The following SERPINB2 variants were observed in gnomAD, a reference collection of about 807,000 sequenced individuals.
SERPINB2 encodes the protein serpin family B member 2, also known as plasminogen activator inhibitor 2.
A neutral mutation model predicts 39.4 loss-of-function variants in SERPINB2; 28 were observed. The observed-to-expected ratio is 0.71, with a 90% CI of 0.53 to 0.97. The LOEUF (loss-of-function observed/expected upper bound fraction) is 0.97, where lower values mean the gene tolerates loss of function less well. Ranked by LOEUF, SERPINB2 falls within the 50% of genes least tolerant of loss-of-function variation. SERPINB2 has a pLI of 0.00. For synonymous variants in SERPINB2, 209 were observed against 175.1 expected, an observed-to-expected ratio of 1.19 and a Z score of -1.53; for missense variants, 557 against 505.3, an observed-to-expected ratio of 1.10 and a Z score of -0.98.
intron 6 of SERPINB2, 46 bp from the exon 7 acceptor site, chr18:63,902,358 G>T: frequency 6.8e-7 from 1 of 1,469,294 alleles, no homozygotes; most frequent in Non-Finnish European, 9.1e-7. Flanking sequence ...TAAATCTCTT[G>T]ATATCTTATA....
At position 63,891,581 on chromosome 18, in the gene SERPINB2, C is replaced by T. The variant is rs770887719; in HGVS notation, c.137C>T (p.Ser46Phe). 5.0e-6 allele frequency: 8 copies of T among 1,613,880 alleles called. No individual in the cohort carries two copies. The highest frequency in any genetic ancestry group is 6.8e-6 in the Non-Finnish European group (8 of 1,179,936). ...ACCATGGCCATGGTCTACATGGGCT[C>T]CAGGGGCAGCACCGAAGACCAGATG... ...SSTMAMVYMG[S>F]RGSTEDQMAK... is the part of the protein sequence containing the mutation. The change falls in exon 2 of 8, where the codon TCC (serine) becomes TTC (phenylalanine). Residue 46 changes from serine (S) to phenylalanine (F), a missense_variant. Physicochemically the swap from Ser to Phe is radical, Grantham distance 155 (BLOSUM62 -2). Coordinates refer to ENST00000299502, the MANE Select transcript of SERPINB2 (RefSeq NM_002575.3).
At chr18:63,892,786 C>T (rs1041907470) in intron 2 of SERPINB2, 1 of 152,178 alleles carries the variant, frequency 6.6e-6, no homozygotes, top group Non-Finnish European at 1.5e-5. Flanking sequence ...TTGAGACTTA[C>T]AACAAAACTC....
intron 2 of SERPINB2, 75 bp from the exon 3 acceptor site, chr18:63,895,189 C>G: frequency 2.5e-6 from 4 of 1,577,296 alleles, no homozygotes; most frequent in Non-Finnish European, 3.5e-6. Context: ...TTTAGAGCCA[C>G]CTGATAGCCA....
chr18:63,895,383 G>A lies in SERPINB2; in HGVS notation c.288G>A (p.Gln96=). The change falls in exon 3 of 8, where the codon CAG becomes CAA. Residue 96 remains glutamine (Q), a splice_region_variant and synonymous_variant. Coordinates refer to ENST00000299502, the MANE Select transcript of SERPINB2 (RefSeq NM_002575.3). ...QKGSYPDAIL[Q]AQAADKIHSS... is the part of the protein sequence containing the mutation. ...GTAGTTATCCTGATGCGATTTTGCA[G>A]GTATCTGACTTACTGGTCCAAATTT... 1.2e-6 allele frequency: 2 copies of A among 1,613,840 alleles called. No individual in the cohort carries two copies. Among genetic ancestry groups the A allele is most frequent in the Non-Finnish European group, 1.7e-6 (2 of 1,179,900 alleles).
At chr18:63,901,622 T>G (rs2049991483) in intron 5 of SERPINB2, 118 bp from the exon 6 acceptor site, 1 of 687,892 alleles carries the variant, frequency 1.5e-6, no homozygotes, top group Non-Finnish European at 2.2e-6. Context: ...AAACTTTAGC[T>G]TGAAGATTAA....
rs1261016344 is a variant in SERPINB2 at position 63,897,777 on chromosome 18, A to G, written c.468A>G (p.Val156=). The part of the protein sequence containing the change: ...QKYYSSEPQA[V]DFLECAEEAR... ...ATTACTCCTCAGAACCCCAGGCAGTAGACTTCCTAGAATGTGCAGAAGAAG... is the reference window on the plus strand; with the variant it reads ...ATTACTCCTCAGAACCCCAGGCAGTGGACTTCCTAGAATGTGCAGAAGAAG... Residue 156 remains valine, a synonymous_variant, in exon 5 of 8, where the codon GTA becomes GTG. Coordinates refer to ENST00000299502, the MANE Select transcript of SERPINB2 (RefSeq NM_002575.3). 5.6e-6 allele frequency: 9 copies of G among 1,613,664 alleles called. No individual in the cohort carries two copies. The South Asian group carries it at 9.9e-5, about 18-fold the overall frequency.
rs368125480 is a variant in SERPINB2, at chr18:63,895,486, C to A, written c.288+103C>A. 75 of 1,390,950 alleles carry A rather than the reference C, an allele frequency of 5.4e-5. 3 individuals carry two copies. The highest frequency in any genetic ancestry group is 3.0e-4 in the Admixed American group (15 of 50,624). 86.2% of individuals were successfully genotyped at this position (1,390,950 alleles called of 1,614,324 possible). A position where few individuals can be genotyped will look rare whatever the true frequency, so the allele number is the denominator to read the frequency against. Reference sequence around the variant, plus strand: ...TGGGAAGGAAGCGAATATACCCTCCCCCATTCACAGAAAGAAAACTAAGAC... The same window carrying A: ...TGGGAAGGAAGCGAATATACCCTCCACCATTCACAGAAAGAAAACTAAGAC... On this transcript the variant is annotated intron_variant, in intron 3 of 7. Coordinates refer to ENST00000299502, the MANE Select transcript of SERPINB2 (RefSeq NM_002575.3).
chr18:63,888,928 A>C (rs2049908760), intron 1 of SERPINB2, among the ~76,000 whole-genome samples: 1 of 152,204 alleles, frequency 6.6e-6, no homozygotes, highest in African/African-American at 2.4e-5. Flanking sequence ...CCTTGTTTTG[A>C]AAGATTTTCA....
At chr18:63,900,210 T>A (rs1019970731) in intron 5 of SERPINB2, among the ~76,000 whole-genome samples, 120 of 152,362 alleles carry the variant, frequency 7.9e-4, no homozygotes, top group African/African-American at 2.8e-3. Context: ...ATTGTCTGTT[T>A]CATCATGCTA....
chr18:63,896,821 G>C (rs111667389), intron 3 of SERPINB2, among the ~76,000 whole-genome samples: 7 of 152,240 alleles, frequency 4.6e-5, no homozygotes, highest in African/African-American at 1.7e-4. Flanking sequence ...AACTGAGAAG[G>C]GGCCTTTCTT....
chr18:63,900,652 C>G (rs2049986006), intron 5 of SERPINB2, among the ~76,000 whole-genome samples: 1 of 152,084 alleles, frequency 6.6e-6, no homozygotes, highest in Non-Finnish European at 1.5e-5. Context: ...AGGTCATTGC[C>G]ACAGAAAGAG....
intron 5 of SERPINB2, among the ~76,000 whole-genome samples, chr18:63,899,498 C>T (rs4349246): frequency 0.29 from 43,523 of 151,954 alleles, 6,832 homozygotes; most frequent in East Asian, 0.48. Flanking sequence ...TTCTAAGAAA[C>T]AGAGATGATT....
chr18:63,898,165 G>A (rs1053475876), intron 5 of SERPINB2, among the ~76,000 whole-genome samples: 3 of 152,226 alleles, frequency 2.0e-5, no homozygotes, highest in Admixed American at 1.3e-4. Flanking sequence ...TATGCCCACT[G>A]TGGACAAAAA....
chr18:63,902,790 C>A (rs1174193967), intron 7 of SERPINB2, 111 bp from the exon 8 acceptor site: 1 of 1,226,798 alleles, frequency 8.2e-7, no homozygotes, highest in African/African-American at 1.5e-5. Context: ...TCTATATCAC[C>A]CACAATATAG....
chr18:63,902,976 G>C lies in SERPINB2; in HGVS notation c.919G>C (p.Val307Leu). Residue 307 changes from valine to leucine, a missense_variant, in exon 8 of 8, where the codon GTA becomes CTA. Coordinates refer to ENST00000299502, the MANE Select transcript of SERPINB2 (RefSeq NM_002575.3). Reference protein sequence around the residue: ...KDKMAEDEVEVYIPQFKLEEH... With the variant: ...KDKMAEDEVELYIPQFKLEEH... ...CAAAATGGCTGAAGATGAAGTTGAG[G>C]TATACATACCCCAGTTCAAATTAGA... 1 of 1,613,682 alleles carries C rather than the reference G, an allele frequency of 6.2e-7. No individual in the cohort carries two copies. Among genetic ancestry groups the C allele is most frequent in the Non-Finnish European group, 8.5e-7 (1 of 1,179,764 alleles).
intron 2 of SERPINB2, among the ~76,000 whole-genome samples, chr18:63,894,216 A>AAG (rs1223794265): frequency 1.3e-5 from 2 of 152,044 alleles, no homozygotes; most frequent in African/African-American, 4.8e-5. Flanking sequence ...ATTTCCTTGG[A>AAG]AGAGAGGAAA....
At position 63,902,462 on chromosome 18, in the gene SERPINB2, T is replaced by C. The variant is rs748427885; in HGVS notation, c.737T>C (p.Ile246Thr). The C allele has an allele frequency of 9.9e-6, 16 of 1,613,610 alleles. No individual in the cohort carries two copies. Among genetic ancestry groups the C allele is most frequent in the African/African-American group, 1.3e-5 (1 of 75,018 alleles). The change falls in exon 7 of 8, where the codon ATA becomes ACA. Residue 246 changes from isoleucine (I) to threonine (T), a missense_variant. Ile to Thr is a moderately conservative substitution (Grantham distance 89, BLOSUM62 -1). Transcript: ENST00000299502. ...YLREKLNIGY[I>T]EDLKAQILEL... ...CGTGAAAAGCTAAACATTGGATACA[T>C]AGAAGACCTAAAGGCTCAGATTCTA...
Position 63,903,218 on chromosome 18 carries a change from G to C in SERPINB2, c.1161G>C (p.Gln387His). Residue 387 changes from glutamine to histidine, a missense_variant, in exon 8 of 8, where the codon CAG becomes CAC. Gln to His is a conservative substitution (Grantham distance 24). Transcript: ENST00000299502. ...GGAGAACTGGACATGGAGGCCCACA[G>C]TTTGTGGCAGATCATCCTTTTCTTT... ...MTGRTGHGGPQFVADHPFLFL... is the reference protein window; with the variant it reads ...MTGRTGHGGPHFVADHPFLFL... The C allele has an allele frequency of 6.2e-7, 1 of 1,608,294 alleles. No homozygotes were observed. Among genetic ancestry groups the C allele is most frequent in the Non-Finnish European group, 8.5e-7 (1 of 1,178,150 alleles).
chr18:63,898,303 T>C (rs9947143), intron 5 of SERPINB2, among the ~76,000 whole-genome samples: 43,528 of 152,078 alleles, frequency 0.29, 6,826 homozygotes, highest in East Asian at 0.48. Context: ...GCCAATCCAT[T>C]GTCAAGTTTT....
Sources: gnomAD v4.1 joint callset for allele counts (sites outside exome capture counted in the v4.1 genomes callset) on GRCh38, gnomAD v4.1.1 for gene constraint, MANE v1.5 for transcripts, NCBI Gene and HGNC (gene_info 2026-07-23, HGNC 2026-07-21) for gene names.